ZFHX3: variants seen among roughly 807,000 people sequenced by gnomAD.
ZFHX3 encodes zinc finger homeobox 3.
ZFHX3 carries 42 observed loss-of-function variants against 279.1 expected under a neutral mutation model. That is an observed-to-expected ratio of 0.15 (90% CI 0.12 to 0.19). The LOEUF (loss-of-function observed/expected upper bound fraction) is 0.19. Among genes scored for constraint, ZFHX3 ranks in the 10% least tolerant of loss-of-function variants. The pLI is 1.00. For missense variants in ZFHX3, 4,981 were observed against 4,754.0 expected (o/e 1.05, Z -1.40); for synonymous variants, 2,293 against 1,957.8 (o/e 1.17, Z -4.52).
chr16:73,471,986 C>T (rs1597348351), intron 2 of ZFHX3, among the ~76,000 whole-genome samples: 1 of 152,102 alleles, frequency 6.6e-6, no homozygotes, highest in Admixed American at 6.5e-5. Flanking sequence ...GATCCAGTGC[C>T]CTGAGCACCT....
chr16:73,223,716 A>T (rs2012498339), intron 5 of ZFHX3, among the ~76,000 whole-genome samples: 2 of 152,208 alleles, frequency 1.3e-5, no homozygotes, highest in African/African-American at 2.4e-5. Flanking sequence ...TACCCAAATG[A>T]GTTGAAAACT....
chr16:72,960,936 C>G (rs7404942), intron 1 of ZFHX3, among the ~76,000 whole-genome samples: 142,204 of 152,102 alleles, frequency 0.93, 66,851 homozygotes, highest in Non-Finnish European at 0.99. Flanking sequence ...GTGCTAATCT[C>G]ACCACCATGA....
chr16:73,818,474 T>A (rs1028656510), intron 1 of ZFHX3, among the ~76,000 whole-genome samples: 2 of 152,170 alleles, frequency 1.3e-5, no homozygotes, highest in African/African-American at 4.8e-5. Flanking sequence ...CAACGCAGCA[T>A]CATTATACAT....
At chr16:73,765,341 T>C (rs2053919446) in intron 1 of ZFHX3, among the ~76,000 whole-genome samples, 1 of 152,240 alleles carries the variant, frequency 6.6e-6, no homozygotes, top group African/African-American at 2.4e-5. Context: ...AAAATATCTT[T>C]ACCTTTTTAA....
At chr16:72,957,044 C>T (rs1170195482) in intron 2 of ZFHX3, among the ~76,000 whole-genome samples, 1 of 152,130 alleles carries the variant, frequency 6.6e-6, no homozygotes, top group African/African-American at 2.4e-5. Context: ...ATGATTGCCT[C>T]AGCTACAGTT....
chr16:73,286,310 A>C (rs1275391081), intron 4 of ZFHX3, among the ~76,000 whole-genome samples: 2 of 152,268 alleles, frequency 1.3e-5, no homozygotes, highest in African/African-American at 4.8e-5. Flanking sequence ...CTGCACAAAA[A>C]TCATCAAGCA....
At chr16:72,938,057 C>T (rs1284801483) in intron 3 of ZFHX3, among the ~76,000 whole-genome samples, 5 of 152,238 alleles carry the variant, frequency 3.3e-5, no homozygotes, top group African/African-American at 9.6e-5. Context: ...AAGAGGTTTA[C>T]GAACCAGTTG....
chr16:73,377,209 T>G (rs2016737931), intron 3 of ZFHX3, among the ~76,000 whole-genome samples: 1 of 152,112 alleles, frequency 6.6e-6, no homozygotes, highest in Admixed American at 6.6e-5. Context: ...TGACCTCAAG[T>G]GATCCACCCA....
At chr16:72,903,290 C>T (rs2039085704) in intron 3 of ZFHX3, among the ~76,000 whole-genome samples, 1 of 152,210 alleles carries the variant, frequency 6.6e-6, no homozygotes, top group Non-Finnish European at 1.5e-5. Context: ...CCAACAGCAA[C>T]AGCACCCTCT....
chr16:73,447,816 G>A (rs1454563745), intron 3 of ZFHX3, among the ~76,000 whole-genome samples: 3 of 152,170 alleles, frequency 2.0e-5, no homozygotes, highest in Non-Finnish European at 4.4e-5. Flanking sequence ...ATAAATAACA[G>A]CATGAAGGGA....
At chr16:73,864,776 G>C (rs1003915377) in intron 1 of ZFHX3, among the ~76,000 whole-genome samples, 8 of 138,682 alleles carry the variant, frequency 5.8e-5, no homozygotes, top group Admixed American at 2.9e-4. Context: ...GACATAGCCT[G>C]GCAGGGGAGC....
At position 72,959,944 on chromosome 16, in the gene ZFHX3, C is replaced by G. The variant is rs750757698; in HGVS notation, c.202G>C (p.Ala68Pro). 4.4e-6 allele frequency: 7 copies of G among 1,600,052 alleles called. No individual in the cohort carries two copies. The highest frequency in any genetic ancestry group is 6.0e-6 in the Non-Finnish European group (7 of 1,173,226). ...CTGGCGGGCTCGGAGGGGGGCCCGG[C>G]CGACGCGGTGCTCTCCGCGAGGCGC... ...NERLAESTAS[A>P]GPPSEPASKE... The change falls in exon 2 of 10, where the codon GCC becomes CCC. Residue 68 changes from alanine (A) to proline (P), a missense_variant. By Grantham distance (27) the Ala-to-Pro change is conservative. Transcript: ENST00000268489.
chr16:73,613,438 C>CTT (rs5817854), intron 2 of ZFHX3, among the ~76,000 whole-genome samples: 257 of 149,192 alleles, frequency 1.7e-3, no homozygotes, highest in Middle Eastern at 3.5e-3. Flanking sequence ...TTAGCTTTTG[C>CTT]TTTTTTTGTT....
chr16:73,246,667 T>G (rs2013289748), intron 5 of ZFHX3, among the ~76,000 whole-genome samples: 1 of 152,236 alleles, frequency 6.6e-6, no homozygotes, highest in Non-Finnish European at 1.5e-5. Context: ...TCCTTCTAAA[T>G]GCTCGTATCT....
intron 4 of ZFHX3, among the ~76,000 whole-genome samples, chr16:72,886,170 G>A (rs1380408553): frequency 6.6e-6 from 1 of 152,138 alleles, no homozygotes; most frequent in Non-Finnish European, 1.5e-5. Context: ...CCAAGTTCTT[G>A]TTAATGTCAA....
intron 2 of ZFHX3, among the ~76,000 whole-genome samples, chr16:73,677,741 T>C (rs1667809764): frequency 6.6e-6 from 1 of 151,994 alleles, no homozygotes; most frequent in Admixed American, 6.6e-5. Context: ...AACAGGTCAA[T>C]TAATCTTGAA....
In ZFHX3 at chr16:72,913,002, C is replaced by A. The variant is rs182870898; in HGVS notation, c.3217-23040G>T. Among the ~76,000 whole-genome samples, 33 of 152,302 alleles carry A rather than the reference C, an allele frequency of 2.2e-4. No individual in the cohort carries two copies. The East Asian group carries it at 6.2e-3, about 29-fold the overall frequency. The stretch of plus-strand genomic sequence containing the variant: ...CCTCCGAAAGTGTTGGGATTACAGG[C>A]GTGAGCCACCACGCCCAGCCCTAAT... On this transcript the variant is annotated intron_variant, in intron 3 of 9. Coordinates refer to ENST00000268489, the MANE Select transcript of ZFHX3 (RefSeq NM_006885.4).
At chr16:73,594,557 T>C (rs564561445) in intron 2 of ZFHX3, among the ~76,000 whole-genome samples, 1 of 152,274 alleles carries the variant, frequency 6.6e-6, no homozygotes, top group South Asian at 2.1e-4. Flanking sequence ...ATCAGAACAG[T>C]GTGACACTAA....
intron 2 of ZFHX3, among the ~76,000 whole-genome samples, chr16:73,547,833 A>G (rs2020146500): frequency 2.6e-5 from 4 of 152,226 alleles, no homozygotes; most frequent in Admixed American, 2.6e-4. Context: ...AGCTACTGCT[A>G]TTTCAAAAGT....
Sources: gnomAD v4.1 joint callset for allele counts (sites outside exome capture counted in the v4.1 genomes callset) on GRCh38, gnomAD v4.1.1 for gene constraint, MANE v1.5 for transcripts, NCBI Gene and HGNC (gene_info 2026-07-23, HGNC 2026-07-21) for gene names.